Variants in CHST9 observed in about 807,000 individuals in gnomAD.
CHST9 encodes GalNAc-4-sulfotransferase 2.
Under a neutral mutation model 44.4 loss-of-function variants are expected in CHST9, and 41 were observed. That is an observed-to-expected ratio of 0.92 (90% CI 0.72 to 1.20). The LOEUF (loss-of-function observed/expected upper bound fraction) is 1.20. CHST9 is among the 50% of genes most tolerant of loss of function. The pLI is 0.00. For synonymous variants in CHST9, 171 were observed against 178.4 expected, an observed-to-expected ratio of 0.96 and a Z score of 0.33; for missense variants, 504 against 516.5, an observed-to-expected ratio of 0.98 and a Z score of 0.23.
At chr18:27,046,207 G>C (rs1266058349) in intron 3 of CHST9, among the ~76,000 whole-genome samples, 1 of 151,950 alleles carries the variant, frequency 6.6e-6, no homozygotes, top group African/African-American at 2.4e-5. Flanking sequence ...ACGTTTCCTT[G>C]TTAGGAAGTT....
chr18:26,978,275 G>A (rs12458540), intron 4 of CHST9, among the ~76,000 whole-genome samples: 1 of 136,690 alleles, frequency 7.3e-6, no homozygotes, highest in Admixed American at 7.9e-5. Context: ...GTGTGTGTGT[G>A]AGTGTGTGTA....
chr18:26,981,327 T>C (rs750766772), intron 4 of CHST9, among the ~76,000 whole-genome samples: 1 of 152,202 alleles, frequency 6.6e-6, no homozygotes, highest in African/African-American at 2.4e-5. Context: ...CATGTAGACA[T>C]GATGCTTACT....
At chr18:27,020,412 G>T (rs1182167449) in intron 4 of CHST9, among the ~76,000 whole-genome samples, 1 of 152,200 alleles carries the variant, frequency 6.6e-6, no homozygotes, top group Non-Finnish European at 1.5e-5. Context: ...ACAGAAGAGT[G>T]GGCTTTGGGA....
intron 1 of CHST9, among the ~76,000 whole-genome samples, chr18:27,177,536 G>A (rs1353778695): frequency 6.6e-6 from 1 of 151,962 alleles, no homozygotes; most frequent in African/African-American, 2.4e-5. Flanking sequence ...GGAAAAGTAA[G>A]TATCGTTTCT....
intron 2 of CHST9, among the ~76,000 whole-genome samples, chr18:27,051,497 G>A (rs1381606918): frequency 2.6e-5 from 4 of 152,140 alleles, no homozygotes; most frequent in African/African-American, 9.7e-5. Flanking sequence ...CGGATAATAT[G>A]TTGTGAGGAC....
At chr18:26,963,455 C>A (rs2056425738) in intron 4 of CHST9, among the ~76,000 whole-genome samples, 1 of 151,256 alleles carries the variant, frequency 6.6e-6, no homozygotes, top group African/African-American at 2.4e-5. Context: ...TTTTTAAGAA[C>A]ACAAAGAATG....
intron 1 of CHST9, among the ~76,000 whole-genome samples, chr18:27,146,092 C>T (rs560786110): frequency 1.3e-5 from 2 of 152,228 alleles, no homozygotes; most frequent in African/African-American, 2.4e-5. Context: ...AGCAGAGCCA[C>T]GAACCTGTGG....
chr18:27,068,545 G>A (rs1206303164), intron 2 of CHST9, among the ~76,000 whole-genome samples: 1 of 152,156 alleles, frequency 6.6e-6, no homozygotes, highest in Non-Finnish European at 1.5e-5. Context: ...CTTGGCTGTG[G>A]AAATTTTTCT....
At chr18:26,968,117 T>G (rs1195240015) in intron 4 of CHST9, among the ~76,000 whole-genome samples, 1 of 152,178 alleles carries the variant, frequency 6.6e-6, no homozygotes, top group Non-Finnish European at 1.5e-5. Context: ...ATTGTGGGAC[T>G]TCACCTTGTG....
At chr18:26,941,800 T>C (rs991306799) in intron 5 of CHST9, among the ~76,000 whole-genome samples, 2 of 152,180 alleles carry the variant, frequency 1.3e-5, no homozygotes, top group African/African-American at 4.8e-5. Flanking sequence ...AATCCAGCGT[T>C]CCCTCCAGAG....
At chr18:27,024,510 C>T (rs2057262133) in intron 3 of CHST9, among the ~76,000 whole-genome samples, 1 of 152,146 alleles carries the variant, frequency 6.6e-6, no homozygotes, top group Non-Finnish European at 1.5e-5. Context: ...CTCAGCATTC[C>T]ATCCCATAAC....
chr18:27,026,196 C>T (rs1372643153), intron 3 of CHST9, among the ~76,000 whole-genome samples: 2 of 152,124 alleles, frequency 1.3e-5, no homozygotes, highest in Non-Finnish European at 2.9e-5. Flanking sequence ...GATATTAGGG[C>T]ATTACAATGA....
At chr18:27,150,352 C>T (rs952022705) in intron 1 of CHST9, among the ~76,000 whole-genome samples, 15 of 152,288 alleles carry the variant, frequency 9.8e-5, no homozygotes, top group African/African-American at 3.4e-4. Flanking sequence ...AAGCCTAGCA[C>T]ATTCTAAACA....
intron 2 of CHST9, among the ~76,000 whole-genome samples, chr18:27,080,427 C>T (rs952051921): frequency 2.6e-5 from 4 of 151,752 alleles, no homozygotes; most frequent in South Asian, 2.1e-4. Flanking sequence ...ACGGTAATTT[C>T]GTCACATTGT....
chr18:27,180,825 T>C (rs1175278242), intron 1 of CHST9, among the ~76,000 whole-genome samples: 1 of 152,224 alleles, frequency 6.6e-6, no homozygotes, highest in Non-Finnish European at 1.5e-5. Context: ...TAGGCATTGA[T>C]AAGAAGAAAC....
chr18:26,956,078 C>G (rs765760845), intron 4 of CHST9, among the ~76,000 whole-genome samples: 1 of 151,942 alleles, frequency 6.6e-6, no homozygotes, highest in Non-Finnish European at 1.5e-5. Context: ...AGGTGGATCA[C>G]AAGGCCAGGA....
At chr18:27,103,841 A>G (rs2058196611) in intron 2 of CHST9, among the ~76,000 whole-genome samples, 1 of 152,164 alleles carries the variant, frequency 6.6e-6, no homozygotes, top group East Asian at 1.9e-4. Context: ...GCTCTCACAT[A>G]GCTGTTTATA....
At chr18:26,944,424 G>A (rs2056131521) in intron 4 of CHST9, 58 bp from the exon 5 acceptor site, 4 of 1,203,128 alleles carry the variant, frequency 3.3e-6, no homozygotes, top group Non-Finnish European at 4.9e-6. Context: ...ATAAAATGCG[G>A]TACTGATGCT....
intron 4 of CHST9, among the ~76,000 whole-genome samples, chr18:26,963,838 A>C (rs2056430660): frequency 6.6e-6 from 1 of 152,184 alleles, no homozygotes; most frequent in Admixed American, 6.5e-5. Context: ...TGAGGTTTTC[A>C]TGAGGACTAA....
Sources: allele counts gnomAD v4.1 joint callset (sites outside exome capture counted in the v4.1 genomes callset), GRCh38; gene constraint gnomAD v4.1.1; transcripts MANE v1.5; gene names NCBI Gene and HGNC (gene_info 2026-07-23, HGNC 2026-07-21).